The following GANC variants were observed in gnomAD, a reference collection of about 807,000 sequenced individuals.
GANC encodes neutral alpha-glucosidase C.
A neutral mutation model predicts 124.2 loss-of-function variants in GANC; 117 were observed. That is an observed-to-expected ratio of 0.94 (90% CI 0.81 to 1.10). GANC has a LOEUF of 1.10. GANC is among the 50% of genes least tolerant of loss of function. GANC has a pLI of 0.00. For synonymous variants in GANC, 377 were observed against 376.8 expected (o/e 1.00, Z -0.01); for missense variants, 1,140 against 1,095.0 (o/e 1.04, Z -0.58).
chr15:42,329,351 T>C lies in GANC; in HGVS notation c.1546T>C (p.Ser516Pro), dbSNP rs1372911397. The stretch of plus-strand genomic sequence containing the variant: ...CCTTTGGAATGACATGAATGAGCCT[T>C]CTGTCTTTAGAGGGCCAGAGCAAAC... ...LFLWNDMNEP[S>P]VFRGPEQTMQ... Residue 516 changes from serine (S) to proline (P), a missense_variant, in exon 14 of 24, where the codon TCT becomes CCT. Transcript: ENST00000318010. 1.2e-6 allele frequency: 2 copies of C among 1,613,916 alleles called. No homozygotes were observed. Among genetic ancestry groups the C allele is most frequent in the African/African-American group, 1.3e-5 (1 of 74,940 alleles).
At chr15:42,350,744 C>A (rs940076477) in intron 22 of GANC, among the ~76,000 whole-genome samples, 2 of 150,922 alleles carry the variant, frequency 1.3e-5, no homozygotes, top group Non-Finnish European at 1.5e-5. Flanking sequence ...TTAGTAGAGA[C>A]GGGGTTTCGT....
At chr15:42,336,220 C>T (rs1363616820) in intron 15 of GANC, among the ~76,000 whole-genome samples, 2 of 151,178 alleles carry the variant, frequency 1.3e-5, no homozygotes, top group Middle Eastern at 3.2e-3. Context: ...CAATATGCTA[C>T]CCAACCTCAA....
intron 3 of GANC, among the ~76,000 whole-genome samples, chr15:42,285,385 T>C (rs1046360552): frequency 1.3e-5 from 2 of 152,104 alleles, no homozygotes. Flanking sequence ...TCTGGGAGTC[T>C]GCTGATATTT....
chr15:42,339,305 AACACACACACAC>A lies in GANC; in HGVS notation c.1844-322_1844-311del, dbSNP rs60116980. 5.1e-3 allele frequency among the ~76,000 whole-genome samples: 613 copies of A among 119,240 alleles called. 6 individuals are homozygous for A. Among genetic ancestry groups the A allele is most frequent in the African/African-American group, 0.015 (482 of 31,170 alleles). The allele number at this position is 119,240 out of a possible 152,430, so 78.2% of individuals were successfully genotyped here. ...AATCAGTTGCCAACCACCCCCCTCC[AACACACACACAC>A]ACACACACACACACACACACACACA... is the stretch of plus-strand genomic sequence containing the variant. On this transcript the variant is annotated intron_variant, in intron 16 of 23. Transcript: ENST00000318010.
At chr15:42,347,801 G>A (rs2052379073) in intron 20 of GANC, among the ~76,000 whole-genome samples, 1 of 151,958 alleles carries the variant, frequency 6.6e-6, no homozygotes, top group African/African-American at 2.4e-5. Context: ...CCACTTATAG[G>A]ATGGGCAGAA....
At chr15:42,338,836 T>G (rs1231384451) in intron 16 of GANC, among the ~76,000 whole-genome samples, 1 of 152,224 alleles carries the variant, frequency 6.6e-6, no homozygotes, top group Non-Finnish European at 1.5e-5. Context: ...CTACAAGGAA[T>G]TTAGCAAATC....
intron 5 of GANC, among the ~76,000 whole-genome samples, chr15:42,297,353 A>T (rs2051901475): frequency 6.6e-6 from 1 of 152,130 alleles, no homozygotes. Flanking sequence ...TTTAAAGATG[A>T]GATCTCACTA....
intron 3 of GANC, among the ~76,000 whole-genome samples, chr15:42,286,650 A>T (rs1173599067): frequency 6.6e-6 from 1 of 152,238 alleles, no homozygotes; most frequent in Non-Finnish European, 1.5e-5. Context: ...ACTGTTCATT[A>T]TCATGTTACA....
At position 42,332,865 on chromosome 15, in the gene GANC, A is replaced by G. The variant is rs1411520549; in HGVS notation, c.1741+2193A>G. 5.3e-5 allele frequency among the ~76,000 whole-genome samples: 8 copies of G among 149,788 alleles called. No homozygotes were observed. In the East Asian group the frequency reaches 1.6e-3, roughly 29 times the overall value. ...CCTGTCTCTACTAAAAAAAAAAAAA[A>G]AAAAAATAGCTGCGTGGTAGCGCGC... On this transcript the variant is annotated intron_variant, in intron 15 of 23. Coordinates refer to ENST00000318010, the MANE Select transcript of GANC (RefSeq NM_198141.3).
At chr15:42,327,325 C>T in intron 12 of GANC, 38 bp from the exon 13 acceptor site, 1 of 1,486,482 alleles carries the variant, frequency 6.7e-7, no homozygotes, top group Non-Finnish European at 9.3e-7. Flanking sequence ...GTGAGGACCA[C>T]TGTTCTTGAC....
chr15:42,281,449 C>T (rs1436174626), intron 3 of GANC, among the ~76,000 whole-genome samples: 1 of 151,976 alleles, frequency 6.6e-6, no homozygotes, highest in East Asian at 1.9e-4. Context: ...TTTGGGAGGC[C>T]AAAGCAGGCA....
chr15:42,352,346 T>G lies in GANC; in HGVS notation c.*207T>G, dbSNP rs771408616. 2.9e-6 allele frequency: 4 copies of G among 1,367,486 alleles called. No individual in the cohort carries two copies. Among genetic ancestry groups the G allele is most frequent in the Non-Finnish European group, 3.8e-6 (4 of 1,059,066 alleles). The allele number at this position is 1,367,486 out of a possible 1,614,324, so 84.7% of individuals were successfully genotyped here. A position where few individuals can be genotyped will look rare whatever the true frequency, so the allele number is the denominator to read the frequency against. On this transcript the variant is annotated 3_prime_UTR_variant, in exon 24 of 24. Transcript: ENST00000318010. ...GTTAAGATGTACTAACAATATTCCT[T>G]GTATCAAACATCTCCTTTTCTCCCT...
At chr15:42,343,186 G>GAGACA in intron 19 of GANC, 32 bp downstream of exon 19, 1 of 1,554,670 alleles carries the variant, frequency 6.4e-7, no homozygotes. Context: ...TATCTGATAT[G>GAGACA]TCTCATATCT....
At chr15:42,314,241 C>G in intron 10 of GANC, 1 of 711,758 alleles carries the variant, frequency 1.4e-6, no homozygotes, top group Non-Finnish European at 2.6e-6. Context: ...AAGCACGTAG[C>G]TACCCAGCAT....
In GANC at chr15:42,352,846, G is replaced by C; in HGVS notation, c.*707G>C. 2 of 589,244 alleles carry C rather than the reference G, an allele frequency of 3.4e-6. No homozygotes were observed. Among genetic ancestry groups the C allele is most frequent in the Non-Finnish European group, 4.3e-6 (2 of 468,416 alleles). The allele number at this position is 589,244 out of a possible 1,614,324, so 36.5% of individuals were successfully genotyped here. On this transcript the variant is annotated 3_prime_UTR_variant, in exon 24 of 24. Coordinates refer to ENST00000318010, the MANE Select transcript of GANC (RefSeq NM_198141.3). ...TGAGTAAGCTATAATTAATAACAAT[G>C]AAATAAATACCCATGTACCCACCAC... is the stretch of plus-strand genomic sequence containing the variant.
chr15:42,288,986 C>G (rs2051817773), intron 4 of GANC, among the ~76,000 whole-genome samples: 1 of 152,190 alleles, frequency 6.6e-6, no homozygotes, highest in South Asian at 2.1e-4. Context: ...GTAAGTTAAT[C>G]TGTAATTTTC....
intron 18 of GANC, among the ~76,000 whole-genome samples, chr15:42,342,774 C>T (rs2052336800): frequency 6.6e-6 from 1 of 152,188 alleles, no homozygotes; most frequent in Admixed American, 6.5e-5. Flanking sequence ...ACTACTGACA[C>T]ATTAGCAGTT....
At chr15:42,332,784 C>T (rs1029381387) in intron 15 of GANC, among the ~76,000 whole-genome samples, 10 of 147,872 alleles carry the variant, frequency 6.8e-5, no homozygotes, top group Non-Finnish European at 1.0e-4. Flanking sequence ...GAGGCCGAGG[C>T]GGGTGGATCA....
In GANC at chr15:42,273,621, G is replaced by A. The variant is rs550267219; in HGVS notation, c.-861G>A. ...ATCCTGTTGGAACCTGGTCAGCTGG[G>A]TTAGAGAGATCGCTACATGCCAGCC... On this transcript the variant is annotated 5_prime_UTR_variant, in exon 1 of 24. Coordinates refer to ENST00000318010, the MANE Select transcript of GANC (RefSeq NM_198141.3). The A allele has an allele frequency of 3.0e-4, 208 of 685,628 alleles. 4 individuals carry two copies. In the South Asian group the frequency reaches 3.7e-3, roughly 12 times the overall value. The allele number at this position is 685,628 out of a possible 1,614,324, so 42.5% of individuals were successfully genotyped here. A position where few individuals can be genotyped will look rare whatever the true frequency, so the allele number is the denominator to read the frequency against.
Sources: gnomAD v4.1 joint callset for allele counts (sites outside exome capture counted in the v4.1 genomes callset) on GRCh38, gnomAD v4.1.1 for gene constraint, MANE v1.5 for transcripts, NCBI Gene and HGNC (gene_info 2026-07-23, HGNC 2026-07-21) for gene names.